The following C2orf76 variants were observed in gnomAD, a reference collection of about 807,000 sequenced individuals.
C2orf76 encodes chromosome 2 open reading frame 76.
Under a neutral mutation model 16.9 loss-of-function variants are expected in C2orf76, and 23 were observed. That is an observed-to-expected ratio of 1.36 (90% confidence interval 0.98 to 1.93). The LOEUF (loss-of-function observed/expected upper bound fraction) is 1.93. Ranked by LOEUF, C2orf76 falls within the 30% of genes most tolerant of loss-of-function variation. The probability of loss-of-function intolerance (pLI) is 0.00; values close to 1 mark genes in which losing one functional copy is unlikely to be tolerated. For missense variants in C2orf76, 152 were observed against 152.6 expected (o/e 1.00, Z 0.02); for synonymous variants, 48 against 52.3 (o/e 0.92, Z 0.35).
chr2:119,325,058 G>A (rs1045390552), intron 2 of C2orf76, among the ~76,000 whole-genome samples: 4 of 149,962 alleles, frequency 2.7e-5, no homozygotes, highest in African/African-American at 2.5e-5. Flanking sequence ...ATTGGTGGCC[G>A]AGTGCAGGGG....
At chr2:119,340,467 T>C (rs1679989793) in intron 1 of C2orf76, 1 of 153,348 alleles carries the variant, frequency 6.5e-6, no homozygotes, top group Non-Finnish European at 1.5e-5. Context: ...TACGATGGTG[T>C]TACCGTCTTT....
At chr2:119,296,833 C>T in the C2orf76 span, among the ~76,000 whole-genome samples, 7 of 152,188 alleles carry the variant, frequency 4.6e-5, no homozygotes, top group South Asian at 2.1e-4. Flanking sequence ...TGTAAAGGGG[C>T]GCCAACAATG....
chr2:119,363,386 T>C, intron 1 of C2orf76, among the ~76,000 whole-genome samples: 1 of 141,578 alleles, frequency 7.1e-6, no homozygotes, highest in Non-Finnish European at 1.5e-5. Context: ...ATCGCACCAC[T>C]ACACTCCAGC....
At position 119,347,113 on chromosome 2, in the gene C2orf76, G is replaced by A. The variant is rs533735476; in HGVS notation, c.-12-7142C>T. On this transcript the variant is annotated intron_variant, in intron 1 of 5. Transcript: ENST00000334816. Reference sequence around the variant, plus strand: ...GGGAACTTCAGCATGGGTACATCTGGGGCTGACAACACCTGAACTTCATAA... The same window carrying A: ...GGGAACTTCAGCATGGGTACATCTGAGGCTGACAACACCTGAACTTCATAA... 1.5e-4 allele frequency among the ~76,000 whole-genome samples: 23 copies of A among 152,266 alleles called. 1 individual carries two copies. In the South Asian group the frequency reaches 4.6e-3, roughly 30 times the overall value.
Position 119,311,624 on chromosome 2 carries a change from A to T in C2orf76, c.302T>A (p.Ile101Asn). 1 of 1,613,056 alleles carries T rather than the reference A, an allele frequency of 6.2e-7. No homozygotes were observed. The highest frequency in any genetic ancestry group is 8.5e-7 in the Non-Finnish European group (1 of 1,179,764). The change falls in exon 5 of 6, where the codon ATC (isoleucine) becomes AAC (asparagine). Residue 101 changes from isoleucine (I) to asparagine (N), a missense_variant and splice_region_variant. Physicochemically the swap from Ile to Asn is moderately radical, Grantham distance 149. Transcript: ENST00000334816. ...CAACACAAGGCCCCCTTCCTCACCG[A>T]TTCCAGCTGCTTTCAGAGTGCTGTC... The part of the protein sequence containing the change: ...KEDSTLKAAG[I>N]ASETEIAFFC...
intron 1 of C2orf76, among the ~76,000 whole-genome samples, chr2:119,360,070 A>C (rs1680695163): frequency 6.6e-6 from 1 of 152,200 alleles, no homozygotes; most frequent in African/African-American, 2.4e-5. Context: ...CCACCGCACC[A>C]ATCAGTTAGC....
At chr2:119,310,501 A>T (rs1253912445) in intron 5 of C2orf76, among the ~76,000 whole-genome samples, 2 of 152,188 alleles carry the variant, frequency 1.3e-5, no homozygotes, top group Non-Finnish European at 2.9e-5. Context: ...AATCAATCAG[A>T]AGTAAATTCC....
rs1375163459 is a variant in C2orf76, at chr2:119,311,690, A to C, written c.236T>G (p.Val79Gly). Residue 79 changes from valine (V) to glycine (G), a missense_variant, in exon 5 of 6, where the codon GTG becomes GGG. Coordinates refer to ENST00000334816, the MANE Select transcript of C2orf76 (RefSeq NM_001322331.2). ...TCTTTCGTCATCTTCCAAACTCAAC[A>C]CAAGTTCATTTGTCTAAAAAAAAAA... ...QAHKSKTNELVLSLEDDERLL... is the reference protein window; with the variant it reads ...QAHKSKTNELGLSLEDDERLL... 1 of 1,608,054 alleles carries C rather than the reference A, an allele frequency of 6.2e-7. No homozygotes were observed.
At chr2:119,298,755 C>T (rs1678573890), downstream of C2orf76, among the ~76,000 whole-genome samples, 1 of 152,018 alleles carries the variant, frequency 6.6e-6, no homozygotes, top group Non-Finnish European at 1.5e-5. Flanking sequence ...GTGAACAATA[C>T]ATTTTAGGTT....
At chr2:119,290,510 T>C in the C2orf76 span, among the ~76,000 whole-genome samples, 1 of 152,050 alleles carries the variant, frequency 6.6e-6, no homozygotes, top group Admixed American at 6.6e-5. Flanking sequence ...GTATTGGCTT[T>C]GAAATAATTA....
At position 119,366,798 on chromosome 2, in the gene C2orf76, G is replaced by A. The variant is rs1391012548; in HGVS notation, c.-21C>T. 1.7e-6 allele frequency: 1 copy of A among 574,862 alleles called. No homozygotes were observed. The highest frequency in any genetic ancestry group is 2.1e-5 in the South Asian group (1 of 46,616). 35.6% of individuals were successfully genotyped at this position (574,862 alleles called of 1,614,324 possible). On this transcript the variant is annotated 5_prime_UTR_variant, in exon 1 of 6. Coordinates refer to ENST00000334816, the MANE Select transcript of C2orf76 (RefSeq NM_001322331.2). ...ACTTCCGTTGTCCCCACCTGTTCCC[G>A]GCGTCCCCTTCGGCTACTCCCGGCG... is the stretch of plus-strand genomic sequence containing the variant.
chr2:119,366,978 G>C, upstream of C2orf76: 1 of 1,602,536 alleles, frequency 6.2e-7, no homozygotes, highest in East Asian at 2.2e-5. Context: ...GCGCTTGCCA[G>C]TGCAATCTGG....
intron 2 of C2orf76, among the ~76,000 whole-genome samples, chr2:119,324,573 A>G (rs1292881558): frequency 6.6e-6 from 1 of 152,214 alleles, no homozygotes; most frequent in African/African-American, 2.4e-5. Context: ...AGAACCTAAA[A>G]TAGTGCCTGG....
At chr2:119,359,481 A>T (rs768124351) in intron 1 of C2orf76, among the ~76,000 whole-genome samples, 2 of 152,254 alleles carry the variant, frequency 1.3e-5, no homozygotes, top group Non-Finnish European at 2.9e-5. Flanking sequence ...AAATAATACG[A>T]AAACCTTCTG....
At chr2:119,287,294 T>C in the C2orf76 span, among the ~76,000 whole-genome samples, 4 of 152,206 alleles carry the variant, frequency 2.6e-5, no homozygotes, top group Non-Finnish European at 4.4e-5. Flanking sequence ...CTTGAAATTT[T>C]GAAATATGGC....
intron 5 of C2orf76, among the ~76,000 whole-genome samples, chr2:119,309,817 G>A (rs1406844799): frequency 6.6e-6 from 1 of 152,050 alleles, no homozygotes; most frequent in Non-Finnish European, 1.5e-5. Flanking sequence ...TAGTTTATAG[G>A]TAGTCAAATT....
rs376636433 is a variant in C2orf76, at chr2:119,307,177, C to T, written c.304+4445G>A. ...ATTTCAGGCCAGGCACAATGACTCA[C>T]GCCTATAATCCCAGCACTTTGGGAG... On this transcript the variant is annotated intron_variant, in intron 5 of 5. Coordinates refer to ENST00000334816, the MANE Select transcript of C2orf76 (RefSeq NM_001322331.2). 1.7e-4 allele frequency among the ~76,000 whole-genome samples: 26 copies of T among 152,178 alleles called. No homozygotes were observed. In the East Asian group the frequency reaches 2.9e-3, roughly 17 times the overall value.
chr2:119,319,734 T>A (rs1175240512), intron 3 of C2orf76, among the ~76,000 whole-genome samples: 1 of 152,116 alleles, frequency 6.6e-6, no homozygotes, highest in Non-Finnish European at 1.5e-5. Flanking sequence ...GCAGAGAGAA[T>A]CAGCCCTTTG....
chr2:119,285,269 G>A, the C2orf76 span, among the ~76,000 whole-genome samples: 1 of 152,166 alleles, frequency 6.6e-6, no homozygotes, highest in African/African-American at 2.4e-5. Context: ...GATATAGTGC[G>A]ATAGTCTCGG....
Sources: allele counts gnomAD v4.1 joint callset (sites outside exome capture counted in the v4.1 genomes callset), GRCh38; gene constraint gnomAD v4.1.1; transcripts MANE v1.5; gene names NCBI Gene and HGNC (gene_info 2026-07-23, HGNC 2026-07-21).